The following ZCWPW2 variants were observed in gnomAD, a reference collection of about 807,000 sequenced individuals.
ZCWPW2 encodes the protein zinc finger CW-type and PWWP domain containing 2.
A neutral mutation model predicts 46.6 loss-of-function variants in ZCWPW2; 45 were observed. The ratio of observed to expected loss-of-function variants is 0.96; its 90% CI spans 0.76 to 1.24. The LOEUF (loss-of-function observed/expected upper bound fraction) is 1.24. ZCWPW2 is among the 50% of genes most tolerant of loss of function. The pLI is 0.00. For missense variants in ZCWPW2, 429 were observed against 403.9 expected, an observed-to-expected ratio of 1.06 and a Z score of -0.53; for synonymous variants, 152 against 137.1, an observed-to-expected ratio of 1.11 and a Z score of -0.76.
chr3:28,382,212 CT>C (rs1695132644), intron 1 of ZCWPW2, among the ~76,000 whole-genome samples: 1 of 150,700 alleles, frequency 6.6e-6, no homozygotes, highest in Non-Finnish European at 1.5e-5. Context: ...ATTCTGGAAG[CT>C]AGAAGCCTGA....
chr3:28,420,411 A>G (rs1696721475), intron 3 of ZCWPW2, among the ~76,000 whole-genome samples: 1 of 151,998 alleles, frequency 6.6e-6, no homozygotes, highest in African/African-American at 2.4e-5. Context: ...CCCCGGTATT[A>G]AGCCTGGTAT....
rs552358207 is a variant in ZCWPW2 at position 28,479,713 on chromosome 3, C to G, written c.610+782C>G. On this transcript the variant is annotated intron_variant, in intron 5 of 9. Coordinates refer to ENST00000383768, the MANE Select transcript of ZCWPW2 (RefSeq NM_001040432.4). ...CTGATAAACCCCAATGTGTGTTGTT[C>G]TTCTCTATGTGCCCATGTATTCTTG... 5.2e-4 allele frequency among the ~76,000 whole-genome samples: 79 copies of G among 152,190 alleles called. 1 individual carries two copies. Among genetic ancestry groups the G allele is most frequent in the Middle Eastern group, 3.4e-3 (1 of 294 alleles).
chr3:28,399,791 C>T (rs1006260789), intron 2 of ZCWPW2, among the ~76,000 whole-genome samples: 1 of 152,084 alleles, frequency 6.6e-6, no homozygotes, highest in African/African-American at 2.4e-5. Flanking sequence ...AGCAATTAAC[C>T]CTAGACCTTC....
At chr3:28,514,258 TGGATC>T in intron 7 of ZCWPW2, 136 bp downstream of exon 7, 1 of 528,162 alleles carries the variant, frequency 1.9e-6, no homozygotes, top group Non-Finnish European at 2.9e-6. Context: ...GGCAATTGCA[TGGATC>T]TGCTCATCTT....
intron 6 of ZCWPW2, among the ~76,000 whole-genome samples, chr3:28,499,443 C>A (rs1700083668): frequency 6.6e-6 from 1 of 152,090 alleles, no homozygotes; most frequent in Admixed American, 6.6e-5. Context: ...ACATAAATGT[C>A]TTCTTTTGAG....
In ZCWPW2 at chr3:28,459,813, C is replaced by A. The variant is rs1698559812; in HGVS notation, c.493-19001C>A. On this transcript the variant is annotated intron_variant, in intron 4 of 9. Coordinates refer to ENST00000383768, the MANE Select transcript of ZCWPW2 (RefSeq NM_001040432.4). ...AAAGGATGTCACTCCAGATAGTGGA[C>A]AAACCTAAAATGTCAGATTGGGGCT... 2.6e-5 allele frequency among the ~76,000 whole-genome samples: 4 copies of A among 152,102 alleles called. No individual in the cohort carries two copies. In the South Asian group the frequency reaches 8.3e-4, roughly 32 times the overall value.
chr3:28,520,853 T>C (rs956131093), intron 8 of ZCWPW2, 139 bp from the exon 9 acceptor site: 6 of 961,386 alleles, frequency 6.2e-6, no homozygotes, highest in Non-Finnish European at 6.0e-6. Context: ...GAAGAAGTCA[T>C]GTATGAAAAT....
chr3:28,442,988 AG>A (rs1401480240), intron 4 of ZCWPW2, among the ~76,000 whole-genome samples: 2 of 152,160 alleles, frequency 1.3e-5, no homozygotes, highest in Non-Finnish European at 2.9e-5. Context: ...CTTACCAGTC[AG>A]GTAGCCAATG....
intron 1 of ZCWPW2, among the ~76,000 whole-genome samples, chr3:28,385,183 A>G (rs1336836119): frequency 1.3e-5 from 2 of 152,202 alleles, no homozygotes; most frequent in East Asian, 1.9e-4. Flanking sequence ...AGACCTGCAC[A>G]TATCAGACCT....
intron 6 of ZCWPW2, among the ~76,000 whole-genome samples, chr3:28,503,682 C>T (rs1197969734): frequency 6.6e-6 from 1 of 151,742 alleles, no homozygotes; most frequent in Non-Finnish European, 1.5e-5. Context: ...GGAAAAAATA[C>T]AATGTCAGTG....
At chr3:28,465,930 T>A (rs191457568) in intron 4 of ZCWPW2, among the ~76,000 whole-genome samples, 1 of 152,282 alleles carries the variant, frequency 6.6e-6, no homozygotes, top group Admixed American at 6.5e-5. Flanking sequence ...TCAACCTAGA[T>A]GCCCATCATT....
chr3:28,504,690 C>T (rs34741404), intron 6 of ZCWPW2, among the ~76,000 whole-genome samples: 61,047 of 151,930 alleles, frequency 0.4, 12,559 homozygotes, highest in East Asian at 0.61. Context: ...ATCTGTTGTT[C>T]TTAGGAAAAA....
chr3:28,393,062 A>G (rs1695558726), intron 2 of ZCWPW2, among the ~76,000 whole-genome samples: 1 of 152,016 alleles, frequency 6.6e-6, no homozygotes, highest in South Asian at 2.1e-4. Context: ...CTGTAGCTCA[A>G]CTAAGAAAAA....
intron 3 of ZCWPW2, among the ~76,000 whole-genome samples, chr3:28,417,053 C>T (rs774920473): frequency 2.0e-5 from 3 of 149,190 alleles, no homozygotes; most frequent in Non-Finnish European, 4.4e-5. Context: ...GCAGGATTCC[C>T]TCTCTTTTTT....
intron 1 of ZCWPW2, among the ~76,000 whole-genome samples, chr3:28,377,788 A>G (rs1166988073): frequency 6.6e-6 from 1 of 152,082 alleles, no homozygotes; most frequent in Non-Finnish European, 1.5e-5. Flanking sequence ...AAGTCTTAAT[A>G]TGCTGAATAA....
At chr3:28,374,491 C>T (rs910498660) in intron 1 of ZCWPW2, among the ~76,000 whole-genome samples, 1 of 152,006 alleles carries the variant, frequency 6.6e-6, no homozygotes, top group African/African-American at 2.4e-5. Context: ...GTTAGGTTTA[C>T]TTTTTCTATT....
At chr3:28,364,596 C>A (rs1419239029) in intron 1 of ZCWPW2, among the ~76,000 whole-genome samples, 2 of 152,096 alleles carry the variant, frequency 1.3e-5, no homozygotes, top group African/African-American at 4.8e-5. Flanking sequence ...TCCCTTTTCA[C>A]CACATCCATG....
intron 5 of ZCWPW2, among the ~76,000 whole-genome samples, chr3:28,484,176 T>G (rs568866900): frequency 6.6e-6 from 1 of 152,232 alleles, no homozygotes; most frequent in South Asian, 2.1e-4. Flanking sequence ...TGAGGTTTTT[T>G]TTTTTCATAC....
intron 5 of ZCWPW2, among the ~76,000 whole-genome samples, chr3:28,488,452 TG>T (rs1406226550): frequency 2.0e-5 from 3 of 152,194 alleles, no homozygotes; most frequent in African/African-American, 7.2e-5. Context: ...CTGTCCTCTA[TG>T]TTTTTACGAA....
Sources: allele counts gnomAD v4.1 joint callset (sites outside exome capture counted in the v4.1 genomes callset), GRCh38; gene constraint gnomAD v4.1.1; transcripts MANE v1.5; gene names NCBI Gene and HGNC (gene_info 2026-07-23, HGNC 2026-07-21).